The following AGBL4 variants were observed in gnomAD, a reference collection of about 807,000 sequenced individuals.
The protein encoded by AGBL4 is cytosolic carboxypeptidase 6.
A neutral mutation model predicts 66.4 loss-of-function variants in AGBL4; 58 were observed. The ratio of observed to expected loss-of-function variants is 0.87; its 90% confidence interval spans 0.71 to 1.09. The LOEUF (loss-of-function observed/expected upper bound fraction) is 1.09, where lower values mean the gene tolerates loss of function less well. Among genes scored for constraint, AGBL4 ranks in the 50% least tolerant of loss-of-function variants. The probability of loss-of-function intolerance (pLI) is 0.00; values close to 1 mark genes in which losing one functional copy is unlikely to be tolerated. For synonymous variants in AGBL4, 234 were observed against 222.9 expected (o/e 1.05, Z -0.44); for missense variants, 579 against 631.0 (o/e 0.92, Z 0.88).
intron 3 of AGBL4, among the ~76,000 whole-genome samples, chr1:49,450,975 T>G (rs896403434): frequency 4.6e-5 from 7 of 152,128 alleles, no homozygotes; most frequent in African/African-American, 1.7e-4. Context: ...TATGACTGGA[T>G]TCTCTACTCA....
intron 4 of AGBL4, among the ~76,000 whole-genome samples, chr1:49,208,617 C>G (rs952698570): frequency 6.6e-6 from 1 of 152,046 alleles, no homozygotes; most frequent in Non-Finnish European, 1.5e-5. Context: ...AGAGGGGATC[C>G]AAGAATTTAC....
chr1:48,549,919 A>G (rs778253770), intron 11 of AGBL4, among the ~76,000 whole-genome samples: 2 of 152,180 alleles, frequency 1.3e-5, no homozygotes, highest in African/African-American at 2.4e-5. Context: ...GATGCATAAG[A>G]CTGAAATAGA....
chr1:49,652,437 C>G (rs1000502903), intron 3 of AGBL4, among the ~76,000 whole-genome samples: 2 of 152,158 alleles, frequency 1.3e-5, no homozygotes, highest in Non-Finnish European at 2.9e-5. Flanking sequence ...CCCTCATGAC[C>G]CCAAGCACAT....
chr1:48,597,002 G>T (rs899362503), intron 9 of AGBL4, among the ~76,000 whole-genome samples: 3 of 152,132 alleles, frequency 2.0e-5, no homozygotes, highest in African/African-American at 7.2e-5. Flanking sequence ...AACTTCCCAA[G>T]CACACTGGTG....
At chr1:49,705,369 CAG>C (rs1647189425) in intron 2 of AGBL4, among the ~76,000 whole-genome samples, 1 of 152,128 alleles carries the variant, frequency 6.6e-6, no homozygotes, top group Non-Finnish European at 1.5e-5. Flanking sequence ...CATCTGCAAA[CAG>C]AGACAATTTG....
In AGBL4 at chr1:50,023,921, G is replaced by C; in HGVS notation, c.-125C>G. 8.8e-7 allele frequency: 1 copy of C among 1,137,364 alleles called. No individual in the cohort carries two copies. Among genetic ancestry groups the C allele is most frequent in the Non-Finnish European group, 1.2e-6 (1 of 841,018 alleles). 70.5% of individuals were successfully genotyped at this position (1,137,364 alleles called of 1,614,324 possible). A position where few individuals can be genotyped will look rare whatever the true frequency, so the allele number is the denominator to read the frequency against. On this transcript the variant is annotated 5_prime_UTR_variant, in exon 1 of 14. Transcript: ENST00000371839. ...GCGGCACGACGGTTGCCTGGGCAAC[G>C]GGCGGCAGGCGCGCGGGTGGCCGGC...
chr1:48,850,910 C>A (rs1003909968), intron 6 of AGBL4, among the ~76,000 whole-genome samples: 5 of 152,284 alleles, frequency 3.3e-5, no homozygotes, highest in Admixed American at 3.3e-4. Context: ...CTGACTTTTC[C>A]ACCTAGAAGC....
intron 3 of AGBL4, among the ~76,000 whole-genome samples, chr1:49,579,030 G>A (rs915243922): frequency 1.3e-5 from 2 of 152,162 alleles, no homozygotes; most frequent in South Asian, 2.1e-4. Flanking sequence ...ATGTGAAAAG[G>A]AGAGAAAGGC....
In AGBL4 at chr1:48,538,727, G is replaced by A. The variant is rs565328654; in HGVS notation, c.1364+915C>T. On this transcript the variant is annotated intron_variant, in intron 12 of 13. Coordinates refer to ENST00000371839, the MANE Select transcript of AGBL4 (RefSeq NM_032785.4). ...CAAAGTACTCTGTACAATAAATAACGGTGATTTATATTGTTTTTATCAATA... is the reference window on the plus strand; with the variant it reads ...CAAAGTACTCTGTACAATAAATAACAGTGATTTATATTGTTTTTATCAATA... Among the ~76,000 whole-genome samples the A allele has an allele frequency of 2.8e-4, 42 of 152,264 alleles. 1 individual carries two copies. In the South Asian group the frequency reaches 8.5e-3, roughly 31 times the overall value.
intron 2 of AGBL4, among the ~76,000 whole-genome samples, chr1:49,735,528 C>A (rs145718211): frequency 2.7e-4 from 41 of 151,452 alleles, no homozygotes; most frequent in African/African-American, 9.4e-4. Flanking sequence ...ACTCTTATAT[C>A]AAAAAATATA....
intron 1 of AGBL4, among the ~76,000 whole-genome samples, chr1:49,884,716 G>A (rs1282557613): frequency 6.6e-6 from 1 of 151,544 alleles, no homozygotes; most frequent in Non-Finnish European, 1.5e-5. Flanking sequence ...AGAAGTAAAG[G>A]TCTCATTCTA....
chr1:49,435,175 G>A (rs1352430701), intron 3 of AGBL4, among the ~76,000 whole-genome samples: 1 of 152,134 alleles, frequency 6.6e-6, no homozygotes, highest in East Asian at 1.9e-4. Flanking sequence ...TTTACTTAAT[G>A]TATGTCTTTT....
chr1:49,385,279 C>T (rs186490677), intron 3 of AGBL4, among the ~76,000 whole-genome samples: 26 of 152,066 alleles, frequency 1.7e-4, no homozygotes, highest in South Asian at 1.2e-3. Flanking sequence ...ATGGTTAGGA[C>T]GGTAAATTTT....
rs554420422 is a variant in AGBL4 at position 48,661,342 on chromosome 1, G to T, written c.724+1810C>A. 3.3e-5 allele frequency among the ~76,000 whole-genome samples: 5 copies of T among 152,348 alleles called. No individual in the cohort carries two copies. In the East Asian group the frequency reaches 9.7e-4, roughly 29 times the overall value. On this transcript the variant is annotated intron_variant, in intron 7 of 13. Transcript: ENST00000371839. ...GAGCAGGCACAGGGCCTGCCAGGCA[G>T]AGGGAGCAGCAGGTGTAAAGGTGCA...
chr1:48,696,053 G>C (rs1050607702), intron 6 of AGBL4, among the ~76,000 whole-genome samples: 1 of 152,170 alleles, frequency 6.6e-6, no homozygotes, highest in Non-Finnish European at 1.5e-5. Context: ...GTCTGCGCTG[G>C]CCCTGACCCT....
intron 2 of AGBL4, among the ~76,000 whole-genome samples, chr1:49,797,555 T>C (rs776747348): frequency 1.4e-4 from 22 of 152,034 alleles, no homozygotes; most frequent in Non-Finnish European, 2.2e-4. Context: ...CCCATGTCAA[T>C]CTCCCAAGGA....
chr1:49,323,727 C>A (rs1268657108), intron 3 of AGBL4, among the ~76,000 whole-genome samples: 1 of 151,070 alleles, frequency 6.6e-6, no homozygotes, highest in African/African-American at 2.4e-5. Context: ...CAAGATTGCA[C>A]CACTGCACTC....
intron 5 of AGBL4, among the ~76,000 whole-genome samples, chr1:48,909,658 G>C (rs1321698148): frequency 6.6e-6 from 1 of 152,110 alleles, no homozygotes; most frequent in East Asian, 1.9e-4. Flanking sequence ...GTATCAACTT[G>C]CTCGGGAAAA....
chr1:49,845,965 C>G, intron 2 of AGBL4: 1 of 1,565,384 alleles, frequency 6.4e-7, no homozygotes, highest in Admixed American at 1.7e-5. Context: ...TGTCCCTCAC[C>G]AAACATCAGC....
Sources: allele counts gnomAD v4.1 joint callset (sites outside exome capture counted in the v4.1 genomes callset), GRCh38; gene constraint gnomAD v4.1.1; transcripts MANE v1.5; gene names NCBI Gene and HGNC (gene_info 2026-07-23, HGNC 2026-07-21).